WDR59: variants seen among roughly 807,000 people sequenced by gnomAD.
WDR59 encodes WD repeat domain 59, also known as GATOR2 complex protein WDR59.
In WDR59, 100 loss-of-function variants were observed where a neutral mutation model predicts 131.2. That is an observed-to-expected ratio of 0.76 (90% CI 0.65 to 0.90). The LOEUF is 0.90. Ranked by LOEUF, WDR59 falls within the 40% of genes least tolerant of loss-of-function variation. WDR59 has a pLI of 0.00. For synonymous variants in WDR59, 601 were observed against 466.2 expected, an observed-to-expected ratio of 1.29 and a Z score of -3.72; for missense variants, 1,203 against 1,262.2, an observed-to-expected ratio of 0.95 and a Z score of 0.71.
intron 17 of WDR59, among the ~76,000 whole-genome samples, chr16:74,907,340 G>T (rs981799762): frequency 6.6e-6 from 1 of 152,236 alleles, no homozygotes; most frequent in Admixed American, 6.5e-5. Context: ...GAGGGACACA[G>T]TGGGAGGTGA....
At chr16:74,966,306 C>A (rs1316636035) in intron 1 of WDR59, among the ~76,000 whole-genome samples, 1 of 151,950 alleles carries the variant, frequency 6.6e-6, no homozygotes, top group Non-Finnish European at 1.5e-5. Flanking sequence ...ATGGTGAAAC[C>A]CCAACTCTAC....
At position 74,961,170 on chromosome 16, in the gene WDR59, G is replaced by A. The variant is rs974215228; in HGVS notation, c.105-4560C>T. 1.2e-4 allele frequency among the ~76,000 whole-genome samples: 18 copies of A among 151,802 alleles called. 1 individual carries two copies. Among genetic ancestry groups the A allele is most frequent in the Admixed American group, 9.2e-4 (14 of 15,204 alleles). ...AAAAAAAAAACTTAGCCAGACAGGC[G>A]TGGTGGTACATGCCGGCAGTCCCAG... On this transcript the variant is annotated intron_variant, in intron 2 of 25. Transcript: ENST00000262144.
intron 8 of WDR59, among the ~76,000 whole-genome samples, chr16:74,937,265 TGA>T (rs2031879270): frequency 6.6e-6 from 1 of 152,176 alleles, no homozygotes; most frequent in South Asian, 2.1e-4. Flanking sequence ...CATAAAATCT[TGA>T]GCATTTCCTG....
Position 74,909,550 on chromosome 16 carries a change from G to A in WDR59, c.1593C>T (p.Asp531=), listed in dbSNP as rs771688193. The change falls in exon 16 of 26, where the codon GAC becomes GAT. Residue 531 remains aspartate (D), a synonymous_variant. Coordinates refer to ENST00000262144, the MANE Select transcript of WDR59 (RefSeq NM_030581.4). ...RVTTAYGSYQ[D]ANIPFPRTSG... is the part of the protein sequence containing the mutation. Reference sequence around the variant, plus strand: ...AAGTCCTAGGAAAGGGAATGTTGGCGTCCTGGTACGACCCGTAAGCCGTGG... The same window carrying A: ...AAGTCCTAGGAAAGGGAATGTTGGCATCCTGGTACGACCCGTAAGCCGTGG... 2.6e-5 allele frequency: 42 copies of A among 1,607,336 alleles called. No individual in the cohort carries two copies. The East Asian group carries it at 2.9e-4, about 11-fold the overall frequency.
chr16:74,903,719 G>A (rs896920272), intron 18 of WDR59, among the ~76,000 whole-genome samples: 4 of 152,152 alleles, frequency 2.6e-5, no homozygotes, highest in Non-Finnish European at 5.9e-5. Context: ...GCTAAATGGG[G>A]AGTAAAGATT....
At chr16:74,902,241 A>C (rs549505880) in intron 18 of WDR59, among the ~76,000 whole-genome samples, 1 of 152,288 alleles carries the variant, frequency 6.6e-6, no homozygotes, top group African/African-American at 2.4e-5. Flanking sequence ...ATTTGAAATA[A>C]AACATAAAAG....
intron 23 of WDR59, among the ~76,000 whole-genome samples, chr16:74,887,407 G>C (rs1307059053): frequency 6.6e-6 from 1 of 152,102 alleles, no homozygotes; most frequent in African/African-American, 2.4e-5. Flanking sequence ...GAAAGGATAA[G>C]GGTTAGGTTT....
chr16:74,972,910 T>C (rs2034045361), intron 1 of WDR59, among the ~76,000 whole-genome samples: 1 of 149,674 alleles, frequency 6.7e-6, no homozygotes. Flanking sequence ...GGTCCGACCA[T>C]TTCAGAGGAC....
In WDR59 at chr16:74,921,864, TACTGGACTCCATGGCAACACTG is replaced by T. The variant is rs994329850; in HGVS notation, c.886+61_886+82del. ...AGCCCAGCTCTCTCTATGTCTTCTTTACTGGACTCCATGGCAACACTGACTGGCACCGCTGTCACCAGAGCTC... is the reference window on the plus strand; with the variant it reads ...AGCCCAGCTCTCTCTATGTCTTCTTTACTGGCACCGCTGTCACCAGAGCTC... On this transcript the variant is annotated intron_variant, in intron 10 of 25. Transcript: ENST00000262144. 9 of 1,502,738 alleles carry T rather than the reference TACTGGACTCCATGGCAACACTG, an allele frequency of 6.0e-6. No homozygotes were observed. In the African/African-American group the frequency reaches 1.1e-4, roughly 19 times the overall value. The allele number at this position is 1,502,738 out of a possible 1,614,324, so 93.1% of individuals were successfully genotyped here.
intron 18 of WDR59, 24 bp from the exon 19 acceptor site, chr16:74,893,836 A>G (rs1298621272): frequency 6.2e-7 from 1 of 1,610,682 alleles, no homozygotes; most frequent in Admixed American, 1.7e-5. Context: ...ACAGGATGTA[A>G]CTAATGGGGA....
intron 13 of WDR59, chr16:74,915,372 G>A (rs1207892377): frequency 1.3e-5 from 2 of 152,252 alleles, no homozygotes; most frequent in Non-Finnish European, 2.9e-5. Flanking sequence ...AAAGAATAGG[G>A]GTAGAAAGAA....
chr16:74,918,182 A>G (rs752506956), intron 10 of WDR59, among the ~76,000 whole-genome samples, 174 bp from the exon 11 acceptor site: 4 of 152,242 alleles, frequency 2.6e-5, no homozygotes, highest in South Asian at 4.1e-4. Flanking sequence ...AATAATTTCT[A>G]TCTTTATAGA....
At chr16:74,955,801 A>G (rs922674262) in intron 3 of WDR59, among the ~76,000 whole-genome samples, 1 of 152,122 alleles carries the variant, frequency 6.6e-6, no homozygotes, top group African/African-American at 2.4e-5. Context: ...CCCAATGCAA[A>G]AAGAGCAAAA....
At chr16:74,890,526 C>T (rs1964987705) in intron 20 of WDR59, among the ~76,000 whole-genome samples, 1 of 152,190 alleles carries the variant, frequency 6.6e-6, no homozygotes, top group South Asian at 2.1e-4. Flanking sequence ...GTCTATAACA[C>T]ATTTAAGATC....
chr16:74,928,534 G>C (rs1370960600), intron 8 of WDR59, among the ~76,000 whole-genome samples: 1 of 151,778 alleles, frequency 6.6e-6, no homozygotes, highest in Non-Finnish European at 1.5e-5. Context: ...CCCTGTTCTT[G>C]TAAGGCCAGA....
intron 1 of WDR59, among the ~76,000 whole-genome samples, chr16:74,966,281 A>G (rs1185292235): frequency 6.6e-6 from 1 of 152,046 alleles, no homozygotes; most frequent in Non-Finnish European, 1.5e-5. Flanking sequence ...GGAGTTCAAG[A>G]CCAGCTTGGC....
intron 1 of WDR59, among the ~76,000 whole-genome samples, chr16:74,970,375 C>T (rs1042515453): frequency 1.3e-5 from 2 of 151,578 alleles, no homozygotes; most frequent in African/African-American, 4.8e-5. Flanking sequence ...TTCTAAGTCC[C>T]AAGACATACC....
At chr16:74,964,606 ATAAAG>A (rs1486453914) in intron 2 of WDR59, among the ~76,000 whole-genome samples, 1 of 152,204 alleles carries the variant, frequency 6.6e-6, no homozygotes, top group Non-Finnish European at 1.5e-5. Context: ...TAATTTCAAA[ATAAAG>A]TAATGAAGCT....
At chr16:74,910,762 C>T (rs535105935) in intron 14 of WDR59, among the ~76,000 whole-genome samples, 2 of 152,274 alleles carry the variant, frequency 1.3e-5, no homozygotes, top group African/African-American at 2.4e-5. Flanking sequence ...GCTGAGTCAT[C>T]GCCAAGGTCT....
Sources: allele counts gnomAD v4.1 joint callset (sites outside exome capture counted in the v4.1 genomes callset), GRCh38; gene constraint gnomAD v4.1.1; transcripts MANE v1.5; gene names NCBI Gene and HGNC (gene_info 2026-07-23, HGNC 2026-07-21).